The following LINGO2 variants were observed in gnomAD, a reference collection of about 807,000 sequenced individuals.
LINGO2 encodes the protein leucine-rich repeat and immunoglobulin-like domain-containing nogo receptor-interacting protein 2.
LINGO2 carries 14 observed loss-of-function variants against 30.6 expected under a neutral mutation model. The observed-to-expected ratio is 0.46, with a 90% CI of 0.30 to 0.72. LINGO2 has a LOEUF of 0.72. Ranked by LOEUF, LINGO2 falls within the 30% of genes least tolerant of loss-of-function variation. LINGO2 has a pLI of 0.07. For synonymous variants in LINGO2, 317 were observed against 288.5 expected, an observed-to-expected ratio of 1.10 and a Z score of -1.00; for missense variants, 729 against 751.7, an observed-to-expected ratio of 0.97 and a Z score of 0.35.
the LINGO2 span, among the ~76,000 whole-genome samples, chr9:29,048,371 A>T: frequency 2.0e-5 from 3 of 152,034 alleles, no homozygotes; most frequent in Non-Finnish European, 4.4e-5. Context: ...CGGAAGAAAA[A>T]ATATTGTTAA....
At chr9:28,950,675 ATACAAG>A in the LINGO2 span, among the ~76,000 whole-genome samples, 2 of 152,176 alleles carry the variant, frequency 1.3e-5, no homozygotes, top group African/African-American at 4.8e-5. Context: ...ATGCCTAGGA[ATACAAG>A]TTACAAGGGA....
chr9:28,438,886 AAT>A (rs888678380), intron 2 of LINGO2, among the ~76,000 whole-genome samples: 26 of 137,812 alleles, frequency 1.9e-4, no homozygotes, highest in African/African-American at 6.2e-4. Context: ...TATATAGTGA[AAT>A]ATATATATTT....
At chr9:29,014,544 AG>A in the LINGO2 span, among the ~76,000 whole-genome samples, 2 of 152,190 alleles carry the variant, frequency 1.3e-5, no homozygotes, top group African/African-American at 2.4e-5. Flanking sequence ...ACTTAGATAA[AG>A]GGCCATATTT....
chr9:28,759,710 G>A, the LINGO2 span, among the ~76,000 whole-genome samples: 2 of 151,530 alleles, frequency 1.3e-5, no homozygotes, highest in Admixed American at 6.6e-5. Context: ...GAAAGAAAAT[G>A]TCCGTGGCTT....
chr9:28,255,642 A>T (rs1012934084), intron 4 of LINGO2, among the ~76,000 whole-genome samples: 3 of 152,080 alleles, frequency 2.0e-5, no homozygotes, highest in Non-Finnish European at 4.4e-5. Flanking sequence ...CTCCCATAAA[A>T]CTTTTACTGA....
Position 28,151,350 on chromosome 9 carries a change from A to T in LINGO2, c.-86-138945T>A, listed in dbSNP as rs141553062. ...ACATTCTTTCCTAATAAAAATCTTG[A>T]ATAAGTATGGATTATGTTATGCTTT... On this transcript the variant is annotated intron_variant, in intron 4 of 5. Coordinates refer to ENST00000379992, the Ensembl canonical transcript of LINGO2. Among the ~76,000 whole-genome samples the T allele has an allele frequency of 4.6e-3, 694 of 152,132 alleles. 9 individuals carry two copies. The highest frequency in any genetic ancestry group is 0.016 in the African/African-American group (669 of 41,574).
the LINGO2 span, among the ~76,000 whole-genome samples, chr9:28,772,930 G>T: frequency 6.6e-6 from 1 of 152,164 alleles, no homozygotes. Context: ...AATGGAGCTA[G>T]AATTCAAACC....
the LINGO2 span, among the ~76,000 whole-genome samples, chr9:28,872,212 C>T: frequency 6.6e-6 from 1 of 151,914 alleles, no homozygotes; most frequent in African/African-American, 2.4e-5. Context: ...TTTAATGATT[C>T]CCAAAAAGAA....
intron 3 of LINGO2, among the ~76,000 whole-genome samples, chr9:28,331,900 T>A (rs1285156680): frequency 3.3e-5 from 5 of 152,192 alleles, no homozygotes; most frequent in African/African-American, 1.2e-4. Flanking sequence ...GGTGGGCGCA[T>A]CTAAATCTGA....
intron 4 of LINGO2, among the ~76,000 whole-genome samples, chr9:28,076,789 T>C (rs904431402): frequency 1.7e-4 from 26 of 152,184 alleles, no homozygotes; most frequent in African/African-American, 5.5e-4. Flanking sequence ...CACTGGCTTC[T>C]GGATTCCACA....
At chr9:29,099,011 T>C in the LINGO2 span, among the ~76,000 whole-genome samples, 109 of 152,230 alleles carry the variant, frequency 7.2e-4, no homozygotes, top group Middle Eastern at 3.4e-3. Flanking sequence ...CAAAACAGTA[T>C]AGCACTGGCA....
chr9:28,232,363 A>T (rs987081159), intron 4 of LINGO2, among the ~76,000 whole-genome samples: 1 of 139,006 alleles, frequency 7.2e-6, no homozygotes, highest in Non-Finnish European at 1.5e-5. Context: ...GGTTGCACTG[A>T]GCTGAGGTTG....
At chr9:28,702,587 C>G in the LINGO2 span, among the ~76,000 whole-genome samples, 3 of 151,768 alleles carry the variant, frequency 2.0e-5, no homozygotes, top group African/African-American at 4.8e-5. Flanking sequence ...ACAATTATGT[C>G]TACTTTGTTT....
At chr9:28,632,815 ATATATAT>A (rs1157621845) in intron 1 of LINGO2, among the ~76,000 whole-genome samples, 8 of 110,856 alleles carry the variant, frequency 7.2e-5, no homozygotes, top group South Asian at 2.9e-4. Flanking sequence ...TAGATGATCT[ATATATAT>A]TATATATTAT....
At chr9:29,211,579 T>TTC in the LINGO2 span, among the ~76,000 whole-genome samples, 285 of 151,098 alleles carry the variant, frequency 1.9e-3, 1 homozygote, top group African/African-American at 6.2e-3. Flanking sequence ...TTCTCTTCTC[T>TTC]TCTCTCTCTC....
At chr9:28,957,271 TG>T in the LINGO2 span, among the ~76,000 whole-genome samples, 1 of 152,176 alleles carries the variant, frequency 6.6e-6, no homozygotes, top group African/African-American at 2.4e-5. Context: ...AATTTCCTTT[TG>T]AAAAGATCAG....
At chr9:28,494,664 G>A (rs1819525940) in intron 1 of LINGO2, among the ~76,000 whole-genome samples, 1 of 152,152 alleles carries the variant, frequency 6.6e-6, no homozygotes, top group Non-Finnish European at 1.5e-5. Context: ...TGTGAATAGT[G>A]CCGCAATAAA....
chr9:28,721,061 T>C, the LINGO2 span, among the ~76,000 whole-genome samples: 12 of 152,048 alleles, frequency 7.9e-5, no homozygotes, highest in East Asian at 3.9e-4. Context: ...AACAAACATA[T>C]ATAAAAAAAG....
intron 1 of LINGO2, among the ~76,000 whole-genome samples, chr9:28,481,429 T>C (rs1466152078): frequency 2.0e-5 from 3 of 152,042 alleles, no homozygotes; most frequent in Admixed American, 6.6e-5. Context: ...GCCACTTCTT[T>C]AAATACTTTA....
Sources: gnomAD v4.1 joint callset for allele counts (sites outside exome capture counted in the v4.1 genomes callset) on GRCh38, gnomAD v4.1.1 for gene constraint, MANE v1.5 for transcripts, NCBI Gene and HGNC (gene_info 2026-07-23, HGNC 2026-07-21) for gene names.